The following STK32B variants were observed in gnomAD, a reference collection of about 807,000 sequenced individuals.
The protein encoded by STK32B is serine/threonine-protein kinase 32B.
STK32B carries 43 observed loss-of-function variants against 52.6 expected under a neutral mutation model. The observed-to-expected ratio is 0.82, with a 90% confidence interval of 0.64 to 1.05. The LOEUF (loss-of-function observed/expected upper bound fraction) is 1.05. Among genes scored for constraint, STK32B ranks in the 50% least tolerant of loss-of-function variants. STK32B has a pLI of 0.00. For missense variants in STK32B, 621 were observed against 534.6 expected, an observed-to-expected ratio of 1.16 and a Z score of -1.59; for synonymous variants, 238 against 204.3, an observed-to-expected ratio of 1.17 and a Z score of -1.41.
chr4:5,171,531 G>A (rs1325334192), intron 3 of STK32B, among the ~76,000 whole-genome samples: 1 of 152,166 alleles, frequency 6.6e-6, no homozygotes, highest in Non-Finnish European at 1.5e-5. Flanking sequence ...CATATGGCTA[G>A]CCAGTTTTCC....
chr4:5,276,811 A>G (rs1297382968), intron 3 of STK32B, among the ~76,000 whole-genome samples: 3 of 152,024 alleles, frequency 2.0e-5, no homozygotes, highest in East Asian at 3.9e-4. Context: ...GGTGGGGTGC[A>G]GTTTCCGCTT....
rs114784005 is a variant in STK32B, at chr4:5,163,651, T to C, written c.109-4648T>C. On this transcript the variant is annotated intron_variant, in intron 2 of 11. Transcript: ENST00000282908. ...CAAGACCTTGACCTCAAACATTTTC[T>C]GAAGGCAAAAGAATGCCCTTGCAGG... Among the ~76,000 whole-genome samples the C allele has an allele frequency of 2.2e-3, 341 of 152,112 alleles. 2 individuals carry two copies. The highest frequency in any genetic ancestry group is 7.8e-3 in the African/African-American group (322 of 41,500).
chr4:5,460,205 C>G lies in STK32B; in HGVS notation c.886C>G (p.Leu296Val), dbSNP rs545552601. The G allele has an allele frequency of 1.1e-5, 18 of 1,613,482 alleles. No homozygotes were observed. In the East Asian group the frequency reaches 3.3e-4, roughly 30 times the overall value. The change falls in exon 9 of 12, where the codon CTG becomes GTG. Residue 296 changes from leucine to valine, a missense_variant. By Grantham distance (32) the Leu-to-Val change is conservative. Transcript: ENST00000282908. The surrounding 1 kb of genome is among the most constrained non-coding windows in gnomAD (Gnocchi z 4.8). ...CTGGGACGCGGTGTTCAAGAAGGCA[C>G]TGATGCCCGGCTTTGTGCCCAATGT... ...MNWDAVFKKA[L>V]MPGFVPNKGR...
intron 3 of STK32B, among the ~76,000 whole-genome samples, chr4:5,192,729 G>A (rs545642807): frequency 1.4e-4 from 16 of 118,332 alleles, no homozygotes; most frequent in South Asian, 6.0e-4. Flanking sequence ...TTTTGTGTGT[G>A]GTGAGAACAC....
chr4:5,488,804 C>T (rs1030941777), intron 11 of STK32B, among the ~76,000 whole-genome samples: 1 of 152,062 alleles, frequency 6.6e-6, no homozygotes, highest in African/African-American at 2.4e-5. Context: ...CTTACCAGTT[C>T]TTTTATATCT....
chr4:5,153,850 G>A (rs1269228799), intron 2 of STK32B, among the ~76,000 whole-genome samples: 2 of 152,064 alleles, frequency 1.3e-5, no homozygotes, highest in Non-Finnish European at 2.9e-5. Flanking sequence ...AGAATACAAA[G>A]TCAATATAAA....
intron 1 of STK32B, among the ~76,000 whole-genome samples, chr4:5,137,901 C>A (rs1339687396): frequency 6.6e-6 from 1 of 151,302 alleles, no homozygotes; most frequent in African/African-American, 2.5e-5. Context: ...AGGGAAACAG[C>A]AGCATGAAGA....
Position 5,064,446 on chromosome 4 carries a change from AATAT to A in STK32B, c.52+12535_52+12538del, listed in dbSNP as rs1307206955. Among the ~76,000 whole-genome samples the A allele has an allele frequency of 1.0e-3, 103 of 103,408 alleles. 9 individuals carry two copies. Among genetic ancestry groups the A allele is most frequent in the African/African-American group, 3.3e-3 (100 of 30,338 alleles). The allele number at this position is 103,408 out of a possible 152,430, so 67.8% of individuals were successfully genotyped here. A position where few individuals can be genotyped will look rare whatever the true frequency, so the allele number is the denominator to read the frequency against. On this transcript the variant is annotated intron_variant, in intron 1 of 11. Transcript: ENST00000282908. ...TATACTTATATACATATAATATATA[AATAT>A]ATACTTATATACATATAATATATAA...
chr4:5,422,230 T>G (rs983961196), intron 6 of STK32B, among the ~76,000 whole-genome samples: 5 of 152,190 alleles, frequency 3.3e-5, no homozygotes, highest in African/African-American at 1.2e-4. Context: ...AGTGGGAGTT[T>G]AGTGGGGAAG....
intron 1 of STK32B, among the ~76,000 whole-genome samples, chr4:5,092,217 T>A (rs1713117808): frequency 6.6e-6 from 1 of 152,196 alleles, no homozygotes; most frequent in Non-Finnish European, 1.5e-5. Flanking sequence ...GGTATACTAG[T>A]TTATTCTCAC....
chr4:5,209,953 T>C (rs989974578), intron 3 of STK32B, among the ~76,000 whole-genome samples: 1 of 152,208 alleles, frequency 6.6e-6, no homozygotes, highest in Non-Finnish European at 1.5e-5. Context: ...TTCCTGTTGC[T>C]GACACAGGGA....
intron 1 of STK32B, among the ~76,000 whole-genome samples, chr4:5,105,779 G>A (rs1160098280): frequency 6.6e-6 from 1 of 151,798 alleles, no homozygotes; most frequent in East Asian, 2.0e-4. Flanking sequence ...TAGCCAGGAT[G>A]GTCTCGATCT....
intron 4 of STK32B, among the ~76,000 whole-genome samples, chr4:5,346,091 A>G (rs10028303): frequency 0.15 from 22,348 of 152,156 alleles, 2,268 homozygotes; most frequent in African/African-American, 0.28. Flanking sequence ...AAGGCAAACT[A>G]TCTTAACTCC....
chr4:5,162,146 C>G (rs768171084), intron 2 of STK32B, among the ~76,000 whole-genome samples: 18 of 152,206 alleles, frequency 1.2e-4, no homozygotes, highest in Admixed American at 3.3e-4. Flanking sequence ...CAGCACAGCT[C>G]TAGCCTCTCT....
chr4:5,040,518 C>T, the STK32B span, among the ~76,000 whole-genome samples: 3 of 151,868 alleles, frequency 2.0e-5, no homozygotes, highest in Non-Finnish European at 2.9e-5. Flanking sequence ...CTCAGCTTCC[C>T]GAGTAGCTGG....
chr4:5,493,632 G>A (rs373600076), intron 11 of STK32B, among the ~76,000 whole-genome samples: 15 of 152,184 alleles, frequency 9.9e-5, no homozygotes, highest in Middle Eastern at 3.4e-3. Flanking sequence ...TTTTGGATGT[G>A]TTTGCTCTTG....
chr4:5,287,316 A>G (rs1341650507), intron 3 of STK32B, among the ~76,000 whole-genome samples: 5 of 152,134 alleles, frequency 3.3e-5, no homozygotes, highest in Admixed American at 2.0e-4. Flanking sequence ...TTGGGTGTAA[A>G]GAGGTATCAC....
chr4:5,309,225 A>G (rs1008486585), intron 3 of STK32B, among the ~76,000 whole-genome samples: 4 of 152,182 alleles, frequency 2.6e-5, no homozygotes, highest in African/African-American at 9.6e-5. Context: ...TAAAACAGCG[A>G]TGAAAGAAAA....
At chr4:5,190,928 C>G (rs1248676013) in intron 3 of STK32B, among the ~76,000 whole-genome samples, 3 of 152,156 alleles carry the variant, frequency 2.0e-5, no homozygotes, top group African/African-American at 7.2e-5. Context: ...CAATTCATAG[C>G]CAGCCTTTGT....
Sources: allele counts gnomAD v4.1 joint callset (sites outside exome capture counted in the v4.1 genomes callset), GRCh38; gene constraint gnomAD v4.1.1; non-coding constraint Gnocchi (gnomAD v3.1); transcripts MANE v1.5; gene names NCBI Gene and HGNC (gene_info 2026-07-23, HGNC 2026-07-21).